NCALD: variants seen among roughly 807,000 people sequenced by gnomAD.
NCALD encodes neurocalcin-delta.
Under a neutral mutation model 18.6 loss-of-function variants are expected in NCALD, and 10 were observed. The observed-to-expected ratio is 0.54, with a 90% CI of 0.33 to 0.91. NCALD has a LOEUF of 0.91. NCALD is among the 40% of genes least tolerant of loss of function. NCALD has a pLI of 0.03. For missense variants in NCALD, 184 were observed against 247.6 expected, an observed-to-expected ratio of 0.74 and a Z score of 1.72; for synonymous variants, 88 against 87.4, an observed-to-expected ratio of 1.01 and a Z score of -0.04.
intron 2 of NCALD, among the ~76,000 whole-genome samples, chr8:101,933,353 A>T (rs535595066): frequency 6.6e-6 from 1 of 152,326 alleles, no homozygotes; most frequent in Admixed American, 6.5e-5. Flanking sequence ...GGAAGCGGAG[A>T]TTGGCAGGAT....
intron 4 of NCALD, among the ~76,000 whole-genome samples, chr8:101,850,842 A>T (rs1815065318): frequency 6.6e-6 from 1 of 152,196 alleles, no homozygotes; most frequent in Admixed American, 6.5e-5. Context: ...CAGTAACAAT[A>T]ATCAGTCCAG....
intron 2 of NCALD, chr8:101,694,128 T>G (rs764292258): frequency 2.6e-5 from 4 of 152,168 alleles, no homozygotes; most frequent in Non-Finnish European, 4.4e-5. Context: ...GATCATGACT[T>G]TGCTAATCAG....
chr8:101,832,794 G>C (rs779053244), intron 4 of NCALD, among the ~76,000 whole-genome samples: 1 of 152,138 alleles, frequency 6.6e-6, no homozygotes. Context: ...GACGACTGCC[G>C]TCTTGGCACC....
intron 1 of NCALD, among the ~76,000 whole-genome samples, chr8:102,034,500 A>C (rs1822793137): frequency 6.6e-6 from 1 of 152,238 alleles, no homozygotes; most frequent in Admixed American, 6.5e-5. Flanking sequence ...TGTATCGCCA[A>C]CACAAATTCA....
intron 2 of NCALD, among the ~76,000 whole-genome samples, chr8:101,949,808 A>G (rs1361136864): frequency 6.6e-6 from 1 of 152,262 alleles, no homozygotes; most frequent in East Asian, 1.9e-4. Context: ...TATGTATTCA[A>G]AACTCTGAAG....
chr8:101,829,974 G>GTTTTTTT (rs35295834), intron 4 of NCALD, among the ~76,000 whole-genome samples: 3 of 116,168 alleles, frequency 2.6e-5, no homozygotes, highest in African/African-American at 6.6e-5. Flanking sequence ...AGTCACATGG[G>GTTTTTTT]TTTTTTTTTT....
At chr8:101,931,963 A>T (rs967594673) in intron 2 of NCALD, among the ~76,000 whole-genome samples, 12 of 152,080 alleles carry the variant, frequency 7.9e-5, no homozygotes, top group African/African-American at 2.9e-4. Context: ...AGCACTTGTC[A>T]TCTTTCCCTT....
chr8:101,757,715 T>C (rs577758894), intron 1 of NCALD, among the ~76,000 whole-genome samples: 41 of 152,298 alleles, frequency 2.7e-4, no homozygotes, highest in African/African-American at 9.6e-4. Context: ...GTGTTTCCCC[T>C]TTCTCTATCC....
chr8:101,895,915 A>G (rs1817146625), intron 3 of NCALD, among the ~76,000 whole-genome samples: 2 of 150,528 alleles, frequency 1.3e-5, no homozygotes, highest in South Asian at 4.2e-4. Flanking sequence ...GGAAGAATCA[A>G]TATCGTGAAA....
At chr8:102,021,826 T>C (rs1209538722) in intron 1 of NCALD, among the ~76,000 whole-genome samples, 1 of 152,066 alleles carries the variant, frequency 6.6e-6, no homozygotes, top group Non-Finnish European at 1.5e-5. Context: ...AGGATGGGAG[T>C]GCCAGAGGTC....
intron 4 of NCALD, among the ~76,000 whole-genome samples, chr8:101,805,733 G>A (rs1354191796): frequency 2.0e-5 from 3 of 152,204 alleles, no homozygotes; most frequent in Admixed American, 2.0e-4. Flanking sequence ...AGATTTTGAT[G>A]GTAAACAATT....
intron 2 of NCALD, among the ~76,000 whole-genome samples, chr8:101,949,337 A>G (rs1819299801): frequency 6.6e-6 from 1 of 152,030 alleles, no homozygotes; most frequent in African/African-American, 2.4e-5. Flanking sequence ...AAGGTTCACT[A>G]GTCGTCACAG....
At chr8:101,833,817 G>A (rs912314359) in intron 4 of NCALD, among the ~76,000 whole-genome samples, 2 of 152,108 alleles carry the variant, frequency 1.3e-5, no homozygotes, top group Admixed American at 6.5e-5. Flanking sequence ...CAAAGAATGA[G>A]GATAATTGTT....
chr8:101,780,512 C>T (rs992322873), intron 1 of NCALD, among the ~76,000 whole-genome samples: 1 of 152,060 alleles, frequency 6.6e-6, no homozygotes, highest in Non-Finnish European at 1.5e-5. Context: ...TTTAAATTCC[C>T]TCAAAATGTC....
intron 1 of NCALD, chr8:102,069,997 C>T (rs1824129783): frequency 6.6e-6 from 1 of 151,940 alleles, no homozygotes; most frequent in South Asian, 2.1e-4. Context: ...GCCTGTAATC[C>T]CAGCTACTCA....
intron 4 of NCALD, among the ~76,000 whole-genome samples, chr8:101,803,813 GAATGAC>G (rs1812956913): frequency 6.6e-6 from 1 of 152,144 alleles, no homozygotes; most frequent in Non-Finnish European, 1.5e-5. Flanking sequence ...GAATGTTGTT[GAATGAC>G]AATAAAAGAT....
intron 4 of NCALD, among the ~76,000 whole-genome samples, chr8:101,815,415 C>CA (rs964515128): frequency 1.3e-5 from 2 of 151,806 alleles, no homozygotes; most frequent in African/African-American, 2.4e-5. Flanking sequence ...TATCCACATA[C>CA]AAAAAATAAA....
intron 1 of NCALD, among the ~76,000 whole-genome samples, chr8:102,095,529 T>C (rs959062522): frequency 1.3e-5 from 2 of 152,220 alleles, no homozygotes; most frequent in Non-Finnish European, 1.5e-5. Context: ...TCCAATTTTA[T>C]ATTTTATACA....
intron 2 of NCALD, among the ~76,000 whole-genome samples, chr8:101,710,845 A>C (rs753000191): frequency 9.2e-5 from 14 of 152,230 alleles, no homozygotes; most frequent in Admixed American, 2.0e-4. Context: ...CAGCTTCAGC[A>C]GACTTAAACA....
Sources: allele counts gnomAD v4.1 joint callset (sites outside exome capture counted in the v4.1 genomes callset), GRCh38; gene constraint gnomAD v4.1.1; transcripts MANE v1.5; gene names NCBI Gene and HGNC (gene_info 2026-07-23, HGNC 2026-07-21).